The following DYNC2H1 variants were observed in gnomAD, a reference collection of about 807,000 sequenced individuals.
DYNC2H1 encodes the protein cytoplasmic dynein 2 heavy chain 1.
DYNC2H1 carries 410 observed loss-of-function variants against 570.0 expected under a neutral mutation model. That is an observed-to-expected ratio of 0.72 (90% CI 0.66 to 0.78). The LOEUF (loss-of-function observed/expected upper bound fraction) is 0.78, where lower values mean the gene tolerates loss of function less well. Among genes scored for constraint, DYNC2H1 ranks in the 30% least tolerant of loss-of-function variants. DYNC2H1 has a pLI of 0.00. For missense variants in DYNC2H1, 4,865 were observed against 5,046.4 expected (o/e 0.96, Z 1.09); for synonymous variants, 1,688 against 1,677.6 (o/e 1.01, Z -0.15).
intron 63 of DYNC2H1, among the ~76,000 whole-genome samples, chr11:103,238,760 C>A (rs1441598675): frequency 6.6e-6 from 1 of 152,128 alleles, no homozygotes; most frequent in Admixed American, 6.6e-5. Context: ...CATGTATTGC[C>A]GCAGAGAGTA....
rs866711648 is a variant in DYNC2H1, at chr11:103,140,278, C to T, written c.2575-2990C>T. Among the ~76,000 whole-genome samples the T allele has an allele frequency of 5.3e-5, 8 of 151,996 alleles. 1 individual carries two copies. Among genetic ancestry groups the T allele is most frequent in the Admixed American group, 1.3e-4 (2 of 15,256 alleles). ...TGTGATGTTAGCTGGTTATTTTGCT[C>T]GTTAGTTGATGCAGTTTCTTCCTAG... On this transcript the variant is annotated intron_variant, in intron 17 of 88. Transcript: ENST00000375735.
intron 70 of DYNC2H1, among the ~76,000 whole-genome samples, chr11:103,263,546 G>A (rs1388069051): frequency 6.6e-6 from 1 of 152,082 alleles, no homozygotes; most frequent in African/African-American, 2.4e-5. Flanking sequence ...TAGAACTAAG[G>A]ATTAAGAAAC....
rs1253599227 is a variant in DYNC2H1, at chr11:103,244,730, A to G, written c.9919-521A>G. On this transcript the variant is annotated intron_variant, in intron 64 of 88. Coordinates refer to ENST00000375735, the MANE Select transcript of DYNC2H1 (RefSeq NM_001377.3). The surrounding 1 kb of genome is among the most constrained non-coding windows in gnomAD (Gnocchi z 4.3). ...ACTATACTATATATCTTATATACAT[A>G]TAAGTATATAAATATACTATATATA... 6.7e-6 allele frequency among the ~76,000 whole-genome samples: 1 copy of G among 148,230 alleles called. No individual in the cohort carries two copies. Among genetic ancestry groups the G allele is most frequent in the African/African-American group, 2.4e-5 (1 of 40,838 alleles).
At chr11:103,156,310 C>T in intron 25 of DYNC2H1, 78 bp from the exon 26 acceptor site, 7 of 1,320,796 alleles carry the variant, frequency 5.3e-6, no homozygotes, top group South Asian at 4.6e-5. Flanking sequence ...ATATATTTTT[C>T]ATAAAATACT....
chr11:103,235,190 G>A (rs112116423), intron 61 of DYNC2H1, among the ~76,000 whole-genome samples: 36 of 151,894 alleles, frequency 2.4e-4, no homozygotes, highest in African/African-American at 7.2e-4. Context: ...TTTGCATGTC[G>A]TGGAAAACCT....
Position 103,280,561 on chromosome 11 carries a change from T to G in DYNC2H1, c.10761+148T>G. On this transcript the variant is annotated intron_variant, in intron 71 of 88. Transcript: ENST00000375735. This position sits in a 1 kb window ranked among gnomAD's most constrained non-coding sequence, Gnocchi z 4.7. The stretch of plus-strand genomic sequence containing the variant: ...AAGTTAGAAATGTAGTATAAAATGG[T>G]GATTCCTAGTTCTACTTCCCTGTGG... The G allele has an allele frequency of 2.7e-6, 2 of 730,782 alleles. No individual in the cohort carries two copies. The highest frequency in any genetic ancestry group is 3.7e-5 in the South Asian group (2 of 53,718). 45.3% of individuals were successfully genotyped at this position (730,782 alleles called of 1,614,324 possible). A position where few individuals can be genotyped will look rare whatever the true frequency, so the allele number is the denominator to read the frequency against.
chr11:103,227,651 A>G (rs1162511605), intron 59 of DYNC2H1, among the ~76,000 whole-genome samples: 1 of 152,180 alleles, frequency 6.6e-6, no homozygotes, highest in Non-Finnish European at 1.5e-5. Context: ...TAGAATGTAT[A>G]TTCTGCTGTC....
chr11:103,282,101 C>T, intron 71 of DYNC2H1, 78 bp from the exon 72 acceptor site: 2 of 1,347,660 alleles, frequency 1.5e-6, no homozygotes, highest in East Asian at 4.8e-5. Context: ...TTTAAGCCAT[C>T]TTATAAGGAA....
At chr11:103,421,180 T>G (rs1486210045) in intron 84 of DYNC2H1, among the ~76,000 whole-genome samples, 2 of 152,188 alleles carry the variant, frequency 1.3e-5, no homozygotes, top group Non-Finnish European at 2.9e-5. Context: ...AAGAGCTAAC[T>G]ATCTCAAATA....
At chr11:103,149,206 C>G (rs1860403424) in intron 20 of DYNC2H1, among the ~76,000 whole-genome samples, 1 of 152,078 alleles carries the variant, frequency 6.6e-6, no homozygotes, top group South Asian at 2.1e-4. Flanking sequence ...ATAATTCATA[C>G]TATTACCTTT....
At chr11:103,423,290 G>T (rs1943551636) in intron 84 of DYNC2H1, among the ~76,000 whole-genome samples, 1 of 151,398 alleles carries the variant, frequency 6.6e-6, no homozygotes, top group Non-Finnish European at 1.5e-5. Flanking sequence ...AATCCAGATA[G>T]ACCCCGAAAT....
intron 47 of DYNC2H1, among the ~76,000 whole-genome samples, chr11:103,196,969 A>G (rs1047058912): frequency 2.0e-5 from 3 of 152,176 alleles, no homozygotes; most frequent in Non-Finnish European, 4.4e-5. Flanking sequence ...GGAACTGAGC[A>G]TGTGACAAGG....
Position 103,189,606 on chromosome 11 carries a change from A to C in DYNC2H1, c.7293-66A>C, listed in dbSNP as rs1862213956. ...GTTTCAAAACCACTGTTGTAACTTA[A>C]CATTGAAATATTAATTTGGAATACT... On this transcript the variant is annotated intron_variant, in intron 44 of 88. Coordinates refer to ENST00000375735, the MANE Select transcript of DYNC2H1 (RefSeq NM_001377.3). The surrounding 1 kb of genome is among the most constrained non-coding windows in gnomAD (Gnocchi z 4.3). The C allele has an allele frequency of 4.6e-6, 7 of 1,510,512 alleles. No individual in the cohort carries two copies. The highest frequency in any genetic ancestry group is 6.4e-6 in the Non-Finnish European group (7 of 1,102,174). The allele number at this position is 1,510,512 out of a possible 1,614,324, so 93.6% of individuals were successfully genotyped here. A position where few individuals can be genotyped will look rare whatever the true frequency, so the allele number is the denominator to read the frequency against.
At position 103,252,059 on chromosome 11, in the gene DYNC2H1, GGACTAT is replaced by G. The variant is rs1204905871; in HGVS notation, c.10043-1225_10043-1220del. Among the ~76,000 whole-genome samples the G allele has an allele frequency of 2.0e-5, 3 of 151,726 alleles. No homozygotes were observed. The highest frequency in any genetic ancestry group is 7.3e-5 in the African/African-American group (3 of 41,284). On this transcript the variant is annotated intron_variant, in intron 65 of 88. Transcript: ENST00000375735. This position sits in a 1 kb window ranked among gnomAD's most constrained non-coding sequence, Gnocchi z 4.6. Reference sequence around the variant, plus strand: ...CTGGCCTCAGCCTCCTGAGTATGTTGGACTATAGGCACATACCATCATGCCCAGCTA... The same window carrying G: ...CTGGCCTCAGCCTCCTGAGTATGTTGAGGCACATACCATCATGCCCAGCTA...
At chr11:103,276,389 A>G (rs1865907039) in intron 70 of DYNC2H1, among the ~76,000 whole-genome samples, 1 of 152,174 alleles carries the variant, frequency 6.6e-6, no homozygotes, top group Admixed American at 6.6e-5. Flanking sequence ...TTACACATAC[A>G]TATAATACTA....
intron 18 of DYNC2H1, among the ~76,000 whole-genome samples, chr11:103,144,290 ATAAG>A (rs1205847898): frequency 8.5e-5 from 13 of 152,338 alleles, no homozygotes; most frequent in African/African-American, 2.9e-4. Context: ...GTGTTTTGAG[ATAAG>A]TAAGTGTTTC....
In DYNC2H1 at chr11:103,346,352, A is replaced by G. The variant is rs190988712; in HGVS notation, c.12040-11891A>G. Among the ~76,000 whole-genome samples the G allele has an allele frequency of 2.5e-3, 378 of 152,302 alleles. 3 individuals carry two copies. The highest frequency in any genetic ancestry group is 7.6e-3 in the African/African-American group (316 of 41,576). On this transcript the variant is annotated intron_variant, in intron 82 of 88. Transcript: ENST00000375735. ...ATACTCTATTTGAATATATTATCCC[A>G]TATTTCAAGAGCATATTTTTAGCCA...
At chr11:103,429,162 G>A (rs1203249459) in intron 84 of DYNC2H1, among the ~76,000 whole-genome samples, 1 of 152,002 alleles carries the variant, frequency 6.6e-6, no homozygotes, top group Admixed American at 6.6e-5. Flanking sequence ...TCGGGAGACT[G>A]AGGTAGGAGG....
At chr11:103,384,510 T>G (rs759050505) in intron 83 of DYNC2H1, among the ~76,000 whole-genome samples, 2 of 152,132 alleles carry the variant, frequency 1.3e-5, no homozygotes, top group South Asian at 4.1e-4. Context: ...TTTATACTTT[T>G]TTTTACTCAT....
Sources: gnomAD v4.1 joint callset for allele counts (sites outside exome capture counted in the v4.1 genomes callset) on GRCh38, gnomAD v4.1.1 for gene constraint, Gnocchi (gnomAD v3.1) non-coding constraint, MANE v1.5 for transcripts, NCBI Gene and HGNC (gene_info 2026-07-23, HGNC 2026-07-21) for gene names.